The following AHNAK variants were observed in gnomAD, a reference collection of about 807,000 sequenced individuals.
AHNAK encodes AHNAK nucleoprotein, also known as neuroblast differentiation-associated protein AHNAK.
AHNAK carries 23 observed loss-of-function variants against 37.8 expected under a neutral mutation model. The ratio of observed to expected loss-of-function variants is 0.61; its 90% CI spans 0.44 to 0.86. The LOEUF is 0.86. AHNAK is among the 40% of genes least tolerant of loss of function. The probability of loss-of-function intolerance (pLI) is 0.00; values close to 1 mark genes in which losing one functional copy is unlikely to be tolerated. For synonymous variants in AHNAK, 2,481 were observed against 2,636.3 expected (o/e 0.94, Z 1.80); for missense variants, 7,411 against 7,319.4 (o/e 1.01, Z -0.46).
chr11:62,463,892 T>C (rs1334379611), intron 5 of AHNAK, among the ~76,000 whole-genome samples: 2 of 151,466 alleles, frequency 1.3e-5, no homozygotes, highest in Non-Finnish European at 2.9e-5. Flanking sequence ...GTCTCCCAAG[T>C]AGCTGGAATT....
chr11:62,481,792 C>T (rs888531793), intron 5 of AHNAK, among the ~76,000 whole-genome samples: 1 of 151,226 alleles, frequency 6.6e-6, no homozygotes, highest in African/African-American at 2.4e-5. Context: ...GTCTCGATCT[C>T]CTGACCTCGT....
At chr11:62,493,858 T>G (rs1208311520) in intron 4 of AHNAK, among the ~76,000 whole-genome samples, 1 of 152,100 alleles carries the variant, frequency 6.6e-6, no homozygotes, top group Non-Finnish European at 1.5e-5. Flanking sequence ...TTGGGGCCAC[T>G]TAAATTTTTC....
rs1009966587 is a variant in AHNAK, at chr11:62,541,176, G to T, written c.-99-4609C>A. Among the ~76,000 whole-genome samples, 4 of 152,330 alleles carry T rather than the reference G, an allele frequency of 2.6e-5. No homozygotes were observed. The East Asian group carries it at 7.7e-4, about 29-fold the overall frequency. ...ACACTCCCCCAGAGACAGGCCACAG[G>T]CCTCAGTGCCCAAATGCACCAAACC... is the stretch of plus-strand genomic sequence containing the variant. On this transcript the variant is annotated intron_variant, in intron 1 of 4. Transcript: ENST00000378024.
chr11:62,443,055 T>C (rs1021353066), intron 5 of AHNAK, among the ~76,000 whole-genome samples: 7 of 150,484 alleles, frequency 4.7e-5, no homozygotes, highest in Non-Finnish European at 7.4e-5. Flanking sequence ...CACTGCAACC[T>C]CCGCCTCCCA....
chr11:62,543,100 CG>C (rs1224482471), intron 1 of AHNAK, among the ~76,000 whole-genome samples: 9 of 152,132 alleles, frequency 5.9e-5, no homozygotes, highest in Non-Finnish European at 1.2e-4. Context: ...CCCGGGGGAC[CG>C]GGCAGGATGC....
At chr11:62,435,133 G>T (rs916875204) in intron 5 of AHNAK, among the ~76,000 whole-genome samples, 1 of 151,988 alleles carries the variant, frequency 6.6e-6, no homozygotes, top group Non-Finnish European at 1.5e-5. Context: ...GACCTTCCTG[G>T]TCTTCTCTCT....
At position 62,491,647 on chromosome 11, in the gene AHNAK, C is replaced by T. The variant is rs1442865197; in HGVS notation, c.442+85G>A. On this transcript the variant is annotated intron_variant, in intron 5 of 5. Transcript: ENST00000257247. The stretch of plus-strand genomic sequence containing the variant: ...TCCTTCCACGTGTGGCTTCCACAGC[C>T]CAGGCAGGCATGCCCATCTGTGATA... The T allele has an allele frequency of 4.5e-6, 6 of 1,334,636 alleles. No individual in the cohort carries two copies. The East Asian group carries it at 1.5e-4, about 33-fold the overall frequency. 82.7% of individuals were successfully genotyped at this position (1,334,636 alleles called of 1,614,324 possible). A position where few individuals can be genotyped will look rare whatever the true frequency, so the allele number is the denominator to read the frequency against.
At chr11:62,544,034 C>T (rs1464378562) in intron 1 of AHNAK, among the ~76,000 whole-genome samples, 1 of 152,162 alleles carries the variant, frequency 6.6e-6, no homozygotes, top group Non-Finnish European at 1.5e-5. Flanking sequence ...CCCAGAGCCC[C>T]ACACACCCCT....
chr11:62,533,315 C>T lies in AHNAK; in HGVS notation c.1102G>A (p.Gly368Arg), dbSNP rs753802006. The T allele has an allele frequency of 6.5e-7, 1 of 1,539,368 alleles. No individual in the cohort carries two copies. The highest frequency in any genetic ancestry group is 8.7e-7 in the Non-Finnish European group (1 of 1,146,980). The change falls in exon 5 of 5, where the codon GGG (glycine) becomes AGG (arginine). Residue 368 changes from glycine to arginine, a missense_variant. Coordinates refer to ENST00000378024, the MANE Select transcript of AHNAK (RefSeq NM_001620.3). ...VPSANIEGLEGKLKGPQITGP... is the reference protein window; with the variant it reads ...VPSANIEGLERKLKGPQITGP... ...GTGATTTGGGGGCCCTTCAGCTTCC[C>T]CTCAAGGCCCTCAATATTGGCAGAG... is the stretch of plus-strand genomic sequence containing the variant.
intron 5 of AHNAK, among the ~76,000 whole-genome samples, chr11:62,477,079 C>T (rs1939163250): frequency 6.6e-6 from 1 of 152,136 alleles, no homozygotes; most frequent in African/African-American, 2.4e-5. Context: ...TTCACTTGAC[C>T]TCTCGCCAAC....
At chr11:62,499,968 G>A (rs1939684413) in intron 4 of AHNAK, among the ~76,000 whole-genome samples, 1 of 152,184 alleles carries the variant, frequency 6.6e-6, no homozygotes, top group South Asian at 2.1e-4. Context: ...TGCTGCTCCT[G>A]GGTGCCCTCA....
At chr11:62,448,651 T>C (rs973701323) in intron 5 of AHNAK, among the ~76,000 whole-genome samples, 1 of 152,154 alleles carries the variant, frequency 6.6e-6, no homozygotes, top group Non-Finnish European at 1.5e-5. Context: ...CCACTTTGAG[T>C]TCCATTTGGG....
chr11:62,462,662 C>T (rs1938817889), intron 5 of AHNAK, among the ~76,000 whole-genome samples: 1 of 152,290 alleles, frequency 6.6e-6, no homozygotes, highest in East Asian at 1.9e-4. Context: ...CTTGAATCAC[C>T]TAATCTTAAG....
At chr11:62,450,635 T>C (rs61895393) in intron 5 of AHNAK, among the ~76,000 whole-genome samples, 35,135 of 152,192 alleles carry the variant, frequency 0.23, 4,734 homozygotes, top group Middle Eastern at 0.4. Flanking sequence ...TTCCTGCAAG[T>C]GCCATGCACC....
chr11:62,453,768 C>T (rs779741751), intron 5 of AHNAK, among the ~76,000 whole-genome samples: 2 of 152,184 alleles, frequency 1.3e-5, no homozygotes, highest in South Asian at 2.1e-4. Context: ...CACATGCTGC[C>T]GTGTGCACAG....
At position 62,523,444 on chromosome 11, in the gene AHNAK, T is replaced by G. The variant is rs910643035; in HGVS notation, c.10973A>C (p.Lys3658Thr). Residue 3658 changes from lysine to threonine, a missense_variant, in exon 5 of 5, where the codon AAG (lysine) becomes ACG (threonine). Coordinates refer to ENST00000378024, the MANE Select transcript of AHNAK (RefSeq NM_001620.3). ...GATGTTCATCTCAGGCATCTTGAAC[T>G]TGGGGCCCTTCAGCTTTGCATCTGG... Reference protein sequence around the residue: ...EGPDAKLKGPKFKMPEMNIKA... With the variant: ...EGPDAKLKGPTFKMPEMNIKA... 6.2e-7 allele frequency: 1 copy of G among 1,613,124 alleles called. No individual in the cohort carries two copies. The highest frequency in any genetic ancestry group is 1.3e-5 in the African/African-American group (1 of 74,680).
rs1372404194 is a variant in AHNAK at position 62,519,521 on chromosome 11, C to T, written c.14896G>A (p.Glu4966Lys). Residue 4966 changes from glutamate to lysine, a missense_variant, in exon 5 of 5, where the codon GAA becomes AAA. Coordinates refer to ENST00000378024, the MANE Select transcript of AHNAK (RefSeq NM_001620.3). ...VHMDSPDINIEGPDVKIPKFK... is the reference protein window; with the variant it reads ...VHMDSPDINIKGPDVKIPKFK... Reference sequence around the variant, plus strand: ...TTGGGGATTTTAACATCTGGCCCTTCGATGTTAATATCTGGGCTGTCCATG... The same window carrying T: ...TTGGGGATTTTAACATCTGGCCCTTTGATGTTAATATCTGGGCTGTCCATG... The T allele has an allele frequency of 5.0e-6, 8 of 1,612,734 alleles. No individual in the cohort carries two copies. Among genetic ancestry groups the T allele is most frequent in the Non-Finnish European group, 5.9e-6 (7 of 1,179,620 alleles).
intron 4 of AHNAK, among the ~76,000 whole-genome samples, chr11:62,500,373 A>C (rs750154823): frequency 2.0e-5 from 3 of 152,318 alleles, no homozygotes; most frequent in Non-Finnish European, 4.4e-5. Flanking sequence ...ACCTGAGCCC[A>C]GCCTAGCCAG....
intron 4 of AHNAK, among the ~76,000 whole-genome samples, chr11:62,498,240 C>T (rs567645965): frequency 6.6e-6 from 1 of 152,204 alleles, no homozygotes; most frequent in Admixed American, 6.5e-5. Flanking sequence ...TGTTAACATA[C>T]AGACTTGTCC....
Sources: gnomAD v4.1 joint callset for allele counts (sites outside exome capture counted in the v4.1 genomes callset) on GRCh38, gnomAD v4.1.1 for gene constraint, MANE v1.5 for transcripts, NCBI Gene and HGNC (gene_info 2026-07-23, HGNC 2026-07-21) for gene names.